Variants in TRAF7 observed in about 807,000 individuals in gnomAD.
The protein encoded by TRAF7 is E3 ubiquitin-protein ligase TRAF7.
TRAF7 carries 45 observed loss-of-function variants against 89.3 expected under a neutral mutation model. That is an observed-to-expected ratio of 0.50 (90% CI 0.40 to 0.65). The LOEUF is 0.65. TRAF7 is among the 30% of genes least tolerant of loss of function. TRAF7 has a pLI of 0.00. For synonymous variants in TRAF7, 406 were observed against 369.2 expected (o/e 1.10, Z -1.14); for missense variants, 677 against 918.1 (o/e 0.74, Z 3.39).
rs1035981228 is a variant in TRAF7 at position 2,176,891 on chromosome 16, T to G, written c.*317T>G. Reference sequence around the variant, plus strand: ...CCTTTTCTACCGTTTTTAGACTGTATGTAGATTTGGTTACCTCCTGGTTGA... The same window carrying G: ...CCTTTTCTACCGTTTTTAGACTGTAGGTAGATTTGGTTACCTCCTGGTTGA... On this transcript the variant is annotated 3_prime_UTR_variant, in exon 21 of 21. Coordinates refer to ENST00000326181, the MANE Select transcript of TRAF7 (RefSeq NM_032271.3). 1 of 532,200 alleles carries G rather than the reference T, an allele frequency of 1.9e-6. No homozygotes were observed. The highest frequency in any genetic ancestry group is 3.4e-6 in the Non-Finnish European group (1 of 293,744). 33.0% of individuals were successfully genotyped at this position (532,200 alleles called of 1,614,324 possible).
chr16:2,174,220 C>A, intron 13 of TRAF7, 31 bp from the exon 14 acceptor site: 1 of 1,608,296 alleles, frequency 6.2e-7, no homozygotes, highest in Non-Finnish European at 8.5e-7. Flanking sequence ...GCTGACCTTG[C>A]TGGGACCCAC....
chr16:2,176,684 T>A lies in TRAF7; in HGVS notation c.*110T>A. 1 of 1,537,828 alleles carries A rather than the reference T, an allele frequency of 6.5e-7. No individual in the cohort carries two copies. The highest frequency in any genetic ancestry group is 8.9e-7 in the Non-Finnish European group (1 of 1,119,590). On this transcript the variant is annotated 3_prime_UTR_variant, in exon 21 of 21. Transcript: ENST00000326181. ...TTTCTGCCTGCCCCGTGGGCATAGG[T>A]GGACAGGCTCTGGCAGCCGGGCAGT... is the stretch of plus-strand genomic sequence containing the variant.
In TRAF7 at chr16:2,157,651, A is replaced by T. The variant is rs147650078; in HGVS notation, c.-39+1793A>T. ...TCTCGGCCAGCTGGTTGGACAAGGA[A>T]TGAGCAGTTTGGGGAAAGGAGGAAG... is the stretch of plus-strand genomic sequence containing the variant. On this transcript the variant is annotated intron_variant, in intron 1 of 20. Coordinates refer to ENST00000326181, the MANE Select transcript of TRAF7 (RefSeq NM_032271.3). Among the ~76,000 whole-genome samples the T allele has an allele frequency of 1.9e-3, 284 of 151,758 alleles. 1 individual carries two copies. Among genetic ancestry groups the T allele is most frequent in the Admixed American group, 4.1e-3 (63 of 15,278 alleles).
chr16:2,161,718 C>T lies in TRAF7; in HGVS notation c.-38-2165C>T, dbSNP rs529621440. Among the ~76,000 whole-genome samples the T allele has an allele frequency of 1.3e-5, 2 of 152,356 alleles. No individual in the cohort carries two copies. Among genetic ancestry groups the T allele is most frequent in the Admixed American group, 1.3e-4 (2 of 15,310 alleles). On this transcript the variant is annotated intron_variant, in intron 1 of 20. Transcript: ENST00000326181. This position sits in a 1 kb window ranked among gnomAD's most constrained non-coding sequence, Gnocchi z 5.2. ...ACCTCCTGTGCCGAGTCATGGCGCC[C>T]TGCACTTCAGGCTATCAGGGCCTTA...
chr16:2,165,966 C>T (rs1213080800), intron 3 of TRAF7, 30 bp downstream of exon 3: 25 of 1,613,500 alleles, frequency 1.5e-5, no homozygotes, highest in Non-Finnish European at 2.1e-5. Flanking sequence ...CCAGCCCAGG[C>T]TGGGAATAAC....
intron 6 of TRAF7, 39 bp downstream of exon 6, chr16:2,171,395 G>A: frequency 6.5e-7 from 1 of 1,540,254 alleles, no homozygotes; most frequent in Non-Finnish European, 8.8e-7. Context: ...TGCTGCCAGA[G>A]GCCCCCACAG....
intron 3 of TRAF7, among the ~76,000 whole-genome samples, chr16:2,167,684 AC>A (rs1191282216): frequency 1.3e-5 from 2 of 151,950 alleles, no homozygotes; most frequent in Non-Finnish European, 2.9e-5. Context: ...ATAAAATGGC[AC>A]CCCCAGCTGC....
intron 9 of TRAF7, 58 bp downstream of exon 9, chr16:2,172,657 G>T: frequency 2.6e-6 from 4 of 1,509,926 alleles, no homozygotes; most frequent in Non-Finnish European, 1.8e-6. Flanking sequence ...CACAGGCTCC[G>T]CTGAGAGCTG....
chr16:2,172,635 G>GGGGGGC, intron 9 of TRAF7, 36 bp downstream of exon 9: 14 of 1,273,296 alleles, frequency 1.1e-5, no homozygotes, highest in Non-Finnish European at 1.3e-5. Flanking sequence ...GCCGGGGTGG[G>GGGGGGC]CGCAGGCCCT....
rs995802117 is a variant in TRAF7 at position 2,161,619 on chromosome 16, C to G, written c.-38-2264C>G. Among the ~76,000 whole-genome samples the G allele has an allele frequency of 2.0e-5, 3 of 152,130 alleles. No homozygotes were observed. The highest frequency in any genetic ancestry group is 4.4e-5 in the Non-Finnish European group (3 of 68,006). The stretch of plus-strand genomic sequence containing the variant: ...GTTTGTAAAATGCAGGTCAGTGTCT[C>G]CTAGTGGCTGCCCGGTGATCCCCTC... On this transcript the variant is annotated intron_variant, in intron 1 of 20. Transcript: ENST00000326181. The surrounding 1 kb of genome is among the most constrained non-coding windows in gnomAD (Gnocchi z 5.2).
chr16:2,174,736 G>A (rs937616637), intron 14 of TRAF7, among the ~76,000 whole-genome samples: 1 of 152,168 alleles, frequency 6.6e-6, no homozygotes, highest in African/African-American at 2.4e-5. Context: ...TGGCCCGCCT[G>A]CCTCCTGTCT....
rs1329085109 is a variant in TRAF7, at chr16:2,171,925, G to A, written c.476-266G>A. On this transcript the variant is annotated intron_variant, in intron 7 of 20. Coordinates refer to ENST00000326181, the MANE Select transcript of TRAF7 (RefSeq NM_032271.3). ...CGAGGCTGTCGTCCTCCCGCACGGC[G>A]CCCGCTCCTGCCTGCCTCTCCGCAC... Among the ~76,000 whole-genome samples the A allele has an allele frequency of 2.6e-5, 4 of 152,178 alleles. No individual in the cohort carries two copies. The South Asian group carries it at 6.2e-4, about 24-fold the overall frequency.
chr16:2,173,610 C>A (rs1278617089), intron 11 of TRAF7, 56 bp downstream of exon 11: 8 of 1,600,560 alleles, frequency 5.0e-6, no homozygotes, highest in Non-Finnish European at 6.0e-6. Flanking sequence ...GCCGGCGGCC[C>A]CGGCAGGGAG....
intron 1 of TRAF7, among the ~76,000 whole-genome samples, chr16:2,160,432 A>G (rs958055669): frequency 1.3e-5 from 2 of 149,064 alleles, no homozygotes; most frequent in African/African-American, 5.0e-5. Flanking sequence ...GGTGGTGTGG[A>G]CGGGCAGGTG....
At chr16:2,164,126 T>TC in intron 2 of TRAF7, 125 bp downstream of exon 2, 1 of 519,914 alleles carries the variant, frequency 1.9e-6, no homozygotes, top group East Asian at 4.4e-5. Flanking sequence ...GGGAGCTCGG[T>TC]GGGGGGGGGT....
rs755371138 is a variant in TRAF7, at chr16:2,158,304, G to C, written c.-39+2446G>C. On this transcript the variant is annotated intron_variant, in intron 1 of 20. Coordinates refer to ENST00000326181, the MANE Select transcript of TRAF7 (RefSeq NM_032271.3). This position sits in a 1 kb window ranked among gnomAD's most constrained non-coding sequence, Gnocchi z 4.7. Reference sequence around the variant, plus strand: ...CTTAGTCTTTGACAGATCCGCTGCTGTCCCCAGCCTTGCTCCCTGGAGGAG... The same window carrying C: ...CTTAGTCTTTGACAGATCCGCTGCTCTCCCCAGCCTTGCTCCCTGGAGGAG... Among the ~76,000 whole-genome samples, 3 of 152,232 alleles carry C rather than the reference G, an allele frequency of 2.0e-5. No homozygotes were observed. Among genetic ancestry groups the C allele is most frequent in the Non-Finnish European group, 2.9e-5 (2 of 68,046 alleles).
chr16:2,156,109 C>A (rs2093032969), intron 1 of TRAF7, among the ~76,000 whole-genome samples: 1 of 152,178 alleles, frequency 6.6e-6, no homozygotes, highest in African/African-American at 2.4e-5. Context: ...CTCATTCCTT[C>A]TTCCTGCATT....
intron 3 of TRAF7, among the ~76,000 whole-genome samples, chr16:2,167,338 C>T (rs576483110): frequency 1.3e-5 from 2 of 151,584 alleles, no homozygotes; most frequent in Non-Finnish European, 3.0e-5. Flanking sequence ...GCCTCAATCT[C>T]GAGCCCAGGG....
chr16:2,172,304 A>G lies in TRAF7; in HGVS notation c.589A>G (p.Ser197Gly), dbSNP rs2141287277. The G allele has an allele frequency of 6.2e-7, 1 of 1,612,738 alleles. No individual in the cohort carries two copies. Among genetic ancestry groups the G allele is most frequent in the South Asian group, 1.1e-5 (1 of 91,072 alleles). The change falls in exon 8 of 21, where the codon AGC becomes GGC. Residue 197 changes from serine to glycine, a missense_variant. Transcript: ENST00000326181. ...CCGGCACGGCTGCCGGGTAGCGGGC[A>G]GCGGGAAGCCCCCCATCTTTGAGGT... ...HCRHGCRVAGSGKPPIFEVDP... is the reference protein window; with the variant it reads ...HCRHGCRVAGGGKPPIFEVDP...
Sources: gnomAD v4.1 joint callset for allele counts (sites outside exome capture counted in the v4.1 genomes callset) on GRCh38, gnomAD v4.1.1 for gene constraint, Gnocchi (gnomAD v3.1) non-coding constraint, MANE v1.5 for transcripts, NCBI Gene and HGNC (gene_info 2026-07-23, HGNC 2026-07-21) for gene names.